The following TADA2A variants were observed in gnomAD, a reference collection of about 807,000 sequenced individuals.
The protein encoded by TADA2A is transcriptional adaptor 2A, also known as transcriptional adapter 2-alpha.
In TADA2A, 38 loss-of-function variants were observed where a neutral mutation model predicts 67.4. The observed-to-expected ratio is 0.56, with a 90% confidence interval of 0.44 to 0.74. The LOEUF (loss-of-function observed/expected upper bound fraction) is 0.74. Among genes scored for constraint, TADA2A ranks in the 30% least tolerant of loss-of-function variants. TADA2A has a pLI of 0.00. For missense variants in TADA2A, 454 were observed against 547.0 expected (o/e 0.83, Z 1.70); for synonymous variants, 192 against 181.6 (o/e 1.06, Z -0.46).
At chr17:37,474,466 T>G in intron 14 of TADA2A, 90 bp from the exon 15 acceptor site, 1 of 1,232,608 alleles carries the variant, frequency 8.1e-7, no homozygotes. Context: ...TATACCTAAC[T>G]GGCCTGGCTG....
chr17:37,474,069 A>G (rs1325122324), intron 14 of TADA2A, among the ~76,000 whole-genome samples: 1 of 152,120 alleles, frequency 6.6e-6, no homozygotes, highest in Non-Finnish European at 1.5e-5. Flanking sequence ...AGTCTCCTAC[A>G]TGGTTAGGAA....
At chr17:37,446,496 G>A (rs2053085330) in intron 8 of TADA2A, among the ~76,000 whole-genome samples, 2 of 151,772 alleles carry the variant, frequency 1.3e-5, no homozygotes, top group South Asian at 2.1e-4. Context: ...GGGCATGGTG[G>A]GTCACACCTA....
At chr17:37,465,866 C>T (rs2148034334) in intron 11 of TADA2A, among the ~76,000 whole-genome samples, 1 of 152,312 alleles carries the variant, frequency 6.6e-6, no homozygotes, top group Middle Eastern at 3.4e-3. Context: ...CCAGCTTCAG[C>T]AGTTTTCAAC....
chr17:37,444,757 A>G lies in TADA2A; in HGVS notation c.593A>G (p.Asp198Gly), dbSNP rs753835969. 1.2e-6 allele frequency: 2 copies of G among 1,613,962 alleles called. No individual in the cohort carries two copies. Among genetic ancestry groups the G allele is most frequent in the African/African-American group, 2.7e-5 (2 of 74,924 alleles). Reference sequence around the variant, plus strand: ...ATTGATTTTGTTGAAGATGACTCGGACATTTTACATGGTAACAGTTTATTT... The same window carrying G: ...ATTGATTTTGTTGAAGATGACTCGGGCATTTTACATGGTAACAGTTTATTT... ...RDIDFVEDDS[D>G]ILHALKMAVV... Residue 198 changes from aspartate (D) to glycine (G), a missense_variant, in exon 8 of 16, where the codon GAC becomes GGC. Asp to Gly is a moderately conservative substitution (Grantham distance 94, BLOSUM62 -1). Around this residue, in one of 2 missense-constraint regions of TADA2A, gnomAD observed 403 missense variants for 455.5 expected, o/e 0.88. Transcript: ENST00000615182.
intron 4 of TADA2A, among the ~76,000 whole-genome samples, chr17:37,430,231 C>G (rs1429104523): frequency 6.6e-6 from 1 of 152,220 alleles, no homozygotes; most frequent in Non-Finnish European, 1.5e-5. Context: ...CTCACGTATT[C>G]AACACCCATA....
chr17:37,449,113 T>A (rs2522964), intron 8 of TADA2A, among the ~76,000 whole-genome samples: 6,957 of 151,880 alleles, frequency 0.046, 513 homozygotes, highest in African/African-American at 0.15. Context: ...CTCCGCCTCC[T>A]GGGTTCACGC....
rs371133374 is a variant in TADA2A, at chr17:37,423,497, T to G, written c.26-12T>G. 25 of 1,591,592 alleles carry G rather than the reference T, an allele frequency of 1.6e-5. No homozygotes were observed. The African/African-American group carries it at 3.3e-4, about 21-fold the overall frequency. ...TGGTCTGAAATGTGCATTTGTTTTC[T>G]GTTTGTTCTAGATGATCCCTCTGAT... On this transcript the variant is annotated splice_polypyrimidine_tract_variant and intron_variant, in intron 2 of 15. Coordinates refer to ENST00000615182, the MANE Select transcript of TADA2A (RefSeq NM_001166105.3).
chr17:37,455,686 C>T (rs942079139), intron 8 of TADA2A, among the ~76,000 whole-genome samples: 2 of 152,062 alleles, frequency 1.3e-5, no homozygotes, highest in African/African-American at 2.4e-5. Flanking sequence ...TGGCCGCTTA[C>T]GAGGTTTTTT....
At chr17:37,457,395 G>C (rs574116751) in intron 8 of TADA2A, among the ~76,000 whole-genome samples, 3 of 150,600 alleles carry the variant, frequency 2.0e-5, no homozygotes, top group Admixed American at 1.3e-4. Flanking sequence ...TGGCCAGGCT[G>C]ATCTTGAACT....
intron 8 of TADA2A, 87 bp downstream of exon 8, chr17:37,444,855 AC>A: frequency 8.3e-7 from 1 of 1,203,784 alleles, no homozygotes; most frequent in East Asian, 2.3e-5. Context: ...GATGAATAGA[AC>A]ATGTCCCCTG....
At chr17:37,436,176 A>G (rs1019091611) in intron 4 of TADA2A, among the ~76,000 whole-genome samples, 1 of 152,160 alleles carries the variant, frequency 6.6e-6, no homozygotes, top group African/African-American at 2.4e-5. Flanking sequence ...AACTGTCAAT[A>G]CTAAAGAAAC....
intron 12 of TADA2A, among the ~76,000 whole-genome samples, chr17:37,467,849 A>G (rs1467039950): frequency 2.6e-5 from 4 of 152,168 alleles, no homozygotes; most frequent in Non-Finnish European, 2.9e-5. Flanking sequence ...TGGGAGGCCA[A>G]GGCAGGTGGG....
At chr17:37,417,502 A>G (rs1597848821) in intron 2 of TADA2A, among the ~76,000 whole-genome samples, 2 of 152,254 alleles carry the variant, frequency 1.3e-5, no homozygotes, top group East Asian at 3.9e-4. Flanking sequence ...CTATTTGGAA[A>G]TAAAATACAT....
At chr17:37,448,299 A>G (rs1194785719) in intron 8 of TADA2A, among the ~76,000 whole-genome samples, 1 of 152,166 alleles carries the variant, frequency 6.6e-6, no homozygotes, top group Non-Finnish European at 1.5e-5. Context: ...TGCATGGTTC[A>G]TTATAGAGAC....
intron 2 of TADA2A, among the ~76,000 whole-genome samples, chr17:37,419,375 T>C (rs943076627): frequency 1.4e-5 from 2 of 145,428 alleles, no homozygotes; most frequent in African/African-American, 5.0e-5. Flanking sequence ...GGTTTCACCA[T>C]GTTCCCCAGG....
At position 37,471,141 on chromosome 17, in the gene TADA2A, A is replaced by AT. The variant is rs1251048563; in HGVS notation, c.1072+6dup. 6.2e-7 allele frequency: 1 copy of AT among 1,613,806 alleles called. No homozygotes were observed. Among genetic ancestry groups the AT allele is most frequent in the Non-Finnish European group, 8.5e-7 (1 of 1,179,918 alleles). On this transcript the variant is annotated splice_donor_region_variant and intron_variant, in intron 14 of 15. Transcript: ENST00000615182. ...ATTCCAATGGCTTCGAATTCAGGTAATTATTTCTCAGGCCAGAACAAGTCT... is the reference window on the plus strand; with the variant it reads ...ATTCCAATGGCTTCGAATTCAGGTAATTTATTTCTCAGGCCAGAACAAGTCT...
At position 37,437,739 on chromosome 17, in the gene TADA2A, CTT is replaced by C; in HGVS notation, c.195_196del (p.Ser66ArgfsTer6). On this transcript the variant is annotated frameshift_variant and splice_region_variant, in exon 5 of 16. Transcript: ENST00000615182. LOFTEE classifies it high-confidence loss of function. ...TAAGCAAAACTTTTTTCTCCTTAGA[CTT>C]CAGATTTTCCTGTCCTTGATCCCAG... 3 of 1,614,040 alleles carry C rather than the reference CTT, an allele frequency of 1.9e-6. No individual in the cohort carries two copies. The highest frequency in any genetic ancestry group is 2.5e-6 in the Non-Finnish European group (3 of 1,179,968).
chr17:37,448,037 A>C (rs1379757731), intron 8 of TADA2A, among the ~76,000 whole-genome samples: 1 of 152,210 alleles, frequency 6.6e-6, no homozygotes, highest in Non-Finnish European at 1.5e-5. Flanking sequence ...AATGTCTCTA[A>C]TGAAACATGG....
chr17:37,463,066 G>A (rs886687293), intron 10 of TADA2A, among the ~76,000 whole-genome samples: 1 of 151,974 alleles, frequency 6.6e-6, no homozygotes, highest in Admixed American at 6.6e-5. Flanking sequence ...TTGAACTCCT[G>A]GGTGCAAGTG....
Sources: gnomAD v4.1 joint callset for allele counts (sites outside exome capture counted in the v4.1 genomes callset) on GRCh38, gnomAD v4.1.1 for gene constraint, gnomAD v4.1.1 regional missense constraint, MANE v1.5 for transcripts, NCBI Gene and HGNC (gene_info 2026-07-23, HGNC 2026-07-21) for gene names.